The following PCDHA7 variants were observed in gnomAD, a reference collection of about 807,000 sequenced individuals.
The protein encoded by PCDHA7 is protocadherin alpha-7.
A neutral mutation model predicts 57.2 loss-of-function variants in PCDHA7; 37 were observed. The observed-to-expected ratio is 0.65, with a 90% CI of 0.50 to 0.85. The LOEUF (loss-of-function observed/expected upper bound fraction) is 0.85. Ranked by LOEUF, PCDHA7 falls within the 40% of genes least tolerant of loss-of-function variation. The probability of loss-of-function intolerance (pLI) is 0.00; values close to 1 mark genes in which losing one functional copy is unlikely to be tolerated. For synonymous variants in PCDHA7, 553 were observed against 558.8 expected (o/e 0.99, Z 0.15); for missense variants, 1,188 against 1,241.8 (o/e 0.96, Z 0.65).
chr5:140,853,203 G>A lies in PCDHA7; in HGVS notation c.2355+16465G>A. The A allele has an allele frequency of 3.1e-6, 3 of 982,590 alleles. 1 individual carries two copies. 60.9% of individuals were successfully genotyped at this position (982,590 alleles called of 1,614,324 possible). A position where few individuals can be genotyped will look rare whatever the true frequency, so the allele number is the denominator to read the frequency against. The stretch of plus-strand genomic sequence containing the variant: ...CTAAAATGTGTTCTTTATTATTGAC[G>A]GCTGTATTGATGGGATTGGTAATTT... On this transcript the variant is annotated intron_variant, in intron 1 of 3. Coordinates refer to ENST00000525929, the MANE Select transcript of PCDHA7 (RefSeq NM_018910.3).
chr5:140,855,992 T>C (rs2043714140), intron 1 of PCDHA7: 2 of 1,492,956 alleles, frequency 1.3e-6, no homozygotes, highest in Admixed American at 4.4e-5. Context: ...AAATGTCAGA[T>C]CGTATGTGCG....
rs2150235029 is a variant in PCDHA7, at chr5:140,835,408, A to T, written c.1025A>T (p.Asp342Val). Residue 342 changes from aspartate to valine, a missense_variant, in exon 1 of 4, where the codon GAT (aspartate) becomes GTT (valine). By Grantham distance (152) the Asp-to-Val change is radical. This residue lies in a region of PCDHA7 where 102 missense variants were observed against 267.4 expected (regional missense o/e 0.38). Transcript: ENST00000525929. Reference protein sequence around the residue: ...GHCTVLVEVVDVNDNAPQLTL... With the variant: ...GHCTVLVEVVVVNDNAPQLTL... ...TGTACAGTTCTTGTGGAAGTTGTGGATGTAAATGACAATGCTCCACAGTTG... is the reference window on the plus strand; with the variant it reads ...TGTACAGTTCTTGTGGAAGTTGTGGTTGTAAATGACAATGCTCCACAGTTG... 3 of 1,614,004 alleles carry T rather than the reference A, an allele frequency of 1.9e-6. No homozygotes were observed. The highest frequency in any genetic ancestry group is 2.5e-6 in the Non-Finnish European group (3 of 1,179,876).
chr5:140,863,361 C>T (rs1562578610), intron 1 of PCDHA7: 1 of 1,203,518 alleles, frequency 8.3e-7, no homozygotes. Flanking sequence ...CGCTGCGGTG[C>T]TTGGCGCAGC....
chr5:140,924,901 A>AATAAAAT lies in PCDHA7; in HGVS notation c.2356-54047_2356-54046insTAAAATA, dbSNP rs145282866. On this transcript the variant is annotated intron_variant, in intron 1 of 3. Transcript: ENST00000525929. The stretch of plus-strand genomic sequence containing the variant: ...CAGAGCAAGAACCTGTCTCAAAAAA[A>AATAAAAT]AAAATAAAATAAAATAAAATAAAAT... 2.3e-3 allele frequency among the ~76,000 whole-genome samples: 186 copies of AATAAAAT among 80,480 alleles called. 2 individuals carry two copies. The highest frequency in any genetic ancestry group is 0.012 in the Middle Eastern group (2 of 162). The allele number at this position is 80,480 out of a possible 152,430, so 52.8% of individuals were successfully genotyped here. A position where few individuals can be genotyped will look rare whatever the true frequency, so the allele number is the denominator to read the frequency against.
At chr5:140,994,515 C>T (rs1450335712) in intron 3 of PCDHA7, among the ~76,000 whole-genome samples, 1 of 150,120 alleles carries the variant, frequency 6.7e-6, no homozygotes, top group African/African-American at 2.5e-5. Flanking sequence ...ACAGCCTGGG[C>T]AACATGGCAA....
chr5:140,900,000 A>G (rs1374747791), intron 1 of PCDHA7, among the ~76,000 whole-genome samples: 1 of 151,872 alleles, frequency 6.6e-6, no homozygotes, highest in Non-Finnish European at 1.5e-5. Flanking sequence ...TGTAGAGATG[A>G]GGTCTCACTT....
At chr5:140,881,507 C>A in intron 1 of PCDHA7, 1 of 231,112 alleles carries the variant, frequency 4.3e-6, no homozygotes, top group Non-Finnish European at 7.1e-6. Context: ...CACACACTCA[C>A]ATACAAAATC....
chr5:140,857,501 G>T, intron 1 of PCDHA7: 1 of 1,598,358 alleles, frequency 6.3e-7, no homozygotes. Context: ...GGACGCGCAG[G>T]AGAACGCCCT....
At chr5:140,999,980 C>G (rs1386394350) in intron 3 of PCDHA7, among the ~76,000 whole-genome samples, 1 of 152,076 alleles carries the variant, frequency 6.6e-6, no homozygotes, top group East Asian at 1.9e-4. Flanking sequence ...GCTCTAGCGG[C>G]CTCTGGGTAG....
At chr5:140,852,971 C>G (rs2150526229) in intron 1 of PCDHA7, 1 of 376,366 alleles carries the variant, frequency 2.7e-6, no homozygotes, top group African/African-American at 2.2e-5. Flanking sequence ...CTCCCCCTCC[C>G]GTGTTCACGC....
chr5:140,927,451 T>C (rs782170767), intron 1 of PCDHA7: 4 of 1,614,082 alleles, frequency 2.5e-6, no homozygotes, highest in South Asian at 1.1e-5. Context: ...GGAGTTGGTG[T>C]TGGAGAAAGC....
chr5:140,996,705 CTT>C (rs1222604793), intron 3 of PCDHA7, among the ~76,000 whole-genome samples: 3 of 152,108 alleles, frequency 2.0e-5, no homozygotes, highest in African/African-American at 7.2e-5. Flanking sequence ...ACCTCTATCT[CTT>C]TGATTTAATT....
chr5:140,869,327 T>A, intron 1 of PCDHA7: 1 of 1,613,922 alleles, frequency 6.2e-7, no homozygotes, highest in Middle Eastern at 1.7e-4. Context: ...GGGGACCTTC[T>A]GGAGGTAAAT....
chr5:140,846,564 C>T (rs2150392370), intron 1 of PCDHA7, among the ~76,000 whole-genome samples: 5 of 147,896 alleles, frequency 3.4e-5, no homozygotes, highest in African/African-American at 5.0e-5. Context: ...TTAGTAGAGT[C>T]GGGGTTTCAC....
chr5:140,842,521 C>G lies in PCDHA7; in HGVS notation c.2355+5783C>G, dbSNP rs144333530. ...ATGTCCCCTTCAAGCTGGTGTCCAC[C>G]TTCAAGAATTACTACTCGTTGGTGC... On this transcript the variant is annotated intron_variant, in intron 1 of 3. Coordinates refer to ENST00000525929, the MANE Select transcript of PCDHA7 (RefSeq NM_018910.3). 5.7e-4 allele frequency: 916 copies of G among 1,613,508 alleles called. 20 individuals are homozygous for G. Among genetic ancestry groups the G allele is most frequent in the Non-Finnish European group, 7.4e-4 (868 of 1,179,496 alleles).
intron 1 of PCDHA7, among the ~76,000 whole-genome samples, chr5:140,973,323 A>G (rs1331752602): frequency 1.3e-5 from 2 of 152,160 alleles, no homozygotes; most frequent in African/African-American, 4.8e-5. Flanking sequence ...AACAGAGTTT[A>G]CACTCGTTGT....
In PCDHA7 at chr5:141,012,204, T is replaced by C. The variant is rs1053312501; in HGVS notation, c.*2267T>C. The C allele has an allele frequency of 1.3e-5, 2 of 153,800 alleles. No homozygotes were observed. Among genetic ancestry groups the C allele is most frequent in the African/African-American group, 4.8e-5 (2 of 41,474 alleles). 9.5% of individuals were successfully genotyped at this position (153,800 alleles called of 1,614,324 possible). On this transcript the variant is annotated 3_prime_UTR_variant, in exon 4 of 4. Transcript: ENST00000525929. ...TATAATGTATCTGTACAGCACTTTT[T>C]ACATTTGCGAAGTGCTTTCCAATCC...
Position 140,835,739 on chromosome 5 carries a change from C to G in PCDHA7, c.1356C>G (p.Ala452=), listed in dbSNP as rs185499663. The change falls in exon 1 of 4, where the codon GCC becomes GCG. Residue 452 remains alanine (A), a synonymous_variant. Transcript: ENST00000525929. ...AGGTGGCCGACGTGAACGACAACGC[C>G]CCGGCGTTCGCGCAGCCCGAGTATA... ...SVEVADVNDN[A]PAFAQPEYTV... The G allele has an allele frequency of 4.3e-6, 7 of 1,613,474 alleles. No individual in the cohort carries two copies. In the African/African-American group the frequency reaches 5.3e-5, roughly 12 times the overall value.
intron 1 of PCDHA7, chr5:140,884,300 G>C (rs2060088357): frequency 6.2e-7 from 1 of 1,613,712 alleles, no homozygotes; most frequent in Non-Finnish European, 8.5e-7. Context: ...AGCGCCACAG[G>C]CTTCGTCGAG....
Sources: allele counts gnomAD v4.1 joint callset (sites outside exome capture counted in the v4.1 genomes callset), GRCh38; gene constraint gnomAD v4.1.1; regional missense constraint gnomAD v4.1.1; transcripts MANE v1.5; gene names NCBI Gene and HGNC (gene_info 2026-07-23, HGNC 2026-07-21).